The following RNF125 variants were observed in gnomAD, a reference collection of about 807,000 sequenced individuals.
RNF125 encodes the protein ring finger protein 125, also known as E3 ubiquitin-protein ligase RNF125.
Under a neutral mutation model 26.0 loss-of-function variants are expected in RNF125, and 21 were observed. That is an observed-to-expected ratio of 0.81 (90% CI 0.57 to 1.16). RNF125 has a LOEUF of 1.16. RNF125 is among the 50% of genes most tolerant of loss of function. RNF125 has a pLI of 0.00. For missense variants in RNF125, 270 were observed against 299.4 expected, an observed-to-expected ratio of 0.90 and a Z score of 0.72; for synonymous variants, 95 against 109.2, an observed-to-expected ratio of 0.87 and a Z score of 0.81.
rs140057532 is a variant in RNF125 at position 32,057,996 on chromosome 18, G to A, written c.505-7906G>A. ...TAAAGCGCTAAAGTGGCCAGGCACC[G>A]TGGCTTATGCCAGTAGTCCCAGCAT... On this transcript the variant is annotated intron_variant, in intron 4 of 5. Coordinates refer to ENST00000217740, the MANE Select transcript of RNF125 (RefSeq NM_017831.4). 9.2e-5 allele frequency among the ~76,000 whole-genome samples: 14 copies of A among 152,132 alleles called. No individual in the cohort carries two copies. In the East Asian group the frequency reaches 1.9e-3, roughly 21 times the overall value.
At chr18:32,043,966 A>G (rs2039243708) in intron 3 of RNF125, among the ~76,000 whole-genome samples, 1 of 151,868 alleles carries the variant, frequency 6.6e-6, no homozygotes, top group Admixed American at 6.6e-5. Flanking sequence ...AACTTAAGGC[A>G]GTGTTGTCCA....
intron 5 of RNF125, among the ~76,000 whole-genome samples, 180 bp from the exon 6 acceptor site, chr18:32,068,118 G>A (rs756722490): frequency 1.1e-4 from 16 of 152,180 alleles, no homozygotes; most frequent in Non-Finnish European, 2.2e-4. Flanking sequence ...ACAAAGTGAA[G>A]TAGAAAATTC....
chr18:32,073,400 G>T (rs143035876), downstream of RNF125, among the ~76,000 whole-genome samples: 32 of 152,312 alleles, frequency 2.1e-4, no homozygotes, highest in African/African-American at 7.5e-4. Context: ...GGGCTTGGGT[G>T]TGCTAGTGGC....
intron 4 of RNF125, among the ~76,000 whole-genome samples, chr18:32,054,541 C>A (rs2039361808): frequency 1.3e-5 from 2 of 152,142 alleles, no homozygotes; most frequent in Admixed American, 1.3e-4. Flanking sequence ...GAGAACTCCT[C>A]TGGGGAGAAA....
rs529992794 is a variant in RNF125 at position 32,042,089 on chromosome 18, C to A, written c.319-90C>A. 1.0e-5 allele frequency: 9 copies of A among 863,846 alleles called. No individual in the cohort carries two copies. The Admixed American group carries it at 1.2e-4, about 12-fold the overall frequency. The allele number at this position is 863,846 out of a possible 1,614,324, so 53.5% of individuals were successfully genotyped here. A position where few individuals can be genotyped will look rare whatever the true frequency, so the allele number is the denominator to read the frequency against. The stretch of plus-strand genomic sequence containing the variant: ...TTAGTCAGTTGATCCCACAGTATGA[C>A]CTTACTTGAAAGTTAAAAGGCTGGA... On this transcript the variant is annotated intron_variant, in intron 2 of 5. Transcript: ENST00000217740.
At chr18:32,039,851 C>T (rs1394448571) in intron 2 of RNF125, among the ~76,000 whole-genome samples, 1 of 145,152 alleles carries the variant, frequency 6.9e-6, no homozygotes, top group African/African-American at 2.6e-5. Context: ...ATGATCTTGG[C>T]TCACTGTAAC....
At chr18:32,030,046 T>C (rs1056631730) in intron 1 of RNF125, among the ~76,000 whole-genome samples, 5 of 152,176 alleles carry the variant, frequency 3.3e-5, no homozygotes, top group Non-Finnish European at 7.3e-5. Flanking sequence ...TTATTTTTTA[T>C]TATTTAATTT....
chr18:32,078,998 A>G, the RNF125 span, among the ~76,000 whole-genome samples: 1 of 152,168 alleles, frequency 6.6e-6, no homozygotes, highest in African/African-American at 2.4e-5. Context: ...ATCTATTGCT[A>G]CAGTTATCAC....
the RNF125 span, among the ~76,000 whole-genome samples, chr18:32,088,175 T>G: frequency 6.6e-6 from 1 of 152,224 alleles, no homozygotes; most frequent in Non-Finnish European, 1.5e-5. Flanking sequence ...CAGGACAGAC[T>G]ACTCACCAGT....
intron 4 of RNF125, among the ~76,000 whole-genome samples, chr18:32,050,804 T>A (rs1276878744): frequency 6.6e-6 from 1 of 150,748 alleles, no homozygotes; most frequent in East Asian, 1.9e-4. Context: ...TATTTTATTC[T>A]GTAAAGGGAA....
At chr18:32,043,801 A>C (rs1395019495) in intron 3 of RNF125, among the ~76,000 whole-genome samples, 2 of 152,178 alleles carry the variant, frequency 1.3e-5, no homozygotes, top group Non-Finnish European at 2.9e-5. Context: ...ATTTATGATA[A>C]AAATCTTTGC....
chr18:32,086,355 G>GTT, the RNF125 span, among the ~76,000 whole-genome samples: 283 of 133,678 alleles, frequency 2.1e-3, 1 homozygote, highest in South Asian at 5.6e-3. Flanking sequence ...AGATATTTGT[G>GTT]TTTTTTTTTT....
chr18:32,043,292 C>G (rs2039238157), intron 3 of RNF125, among the ~76,000 whole-genome samples: 1 of 152,200 alleles, frequency 6.6e-6, no homozygotes, highest in Non-Finnish European at 1.5e-5. Flanking sequence ...TGATGGCTTT[C>G]CAGCCATTAA....
At chr18:32,083,073 TATTA>T in the RNF125 span, among the ~76,000 whole-genome samples, 1 of 152,218 alleles carries the variant, frequency 6.6e-6, no homozygotes, top group Non-Finnish European at 1.5e-5. Flanking sequence ...TGCTTTACTT[TATTA>T]ATTCTGTCCA....
At chr18:32,039,671 G>C (rs2039196422) in intron 2 of RNF125, among the ~76,000 whole-genome samples, 1 of 151,704 alleles carries the variant, frequency 6.6e-6, no homozygotes, top group Admixed American at 6.6e-5. Context: ...CTTGGTGTCT[G>C]TCAGAAACAA....
downstream of RNF125, among the ~76,000 whole-genome samples, chr18:32,077,334 ATTTTTTT>A (rs552701343): frequency 0.022 from 2,373 of 107,878 alleles, 76 homozygotes; most frequent in African/African-American, 0.079. Flanking sequence ...CCCTCTCCCC[ATTTTTTT>A]TTTTTTTTTT....
At chr18:32,033,935 C>A (rs2039125492) in intron 1 of RNF125, among the ~76,000 whole-genome samples, 1 of 148,532 alleles carries the variant, frequency 6.7e-6, no homozygotes, top group South Asian at 2.1e-4. Flanking sequence ...CAGAAAACAA[C>A]AATGAAGTGT....
intron 1 of RNF125, among the ~76,000 whole-genome samples, chr18:32,024,993 G>A (rs1181919843): frequency 6.6e-6 from 1 of 152,086 alleles, no homozygotes; most frequent in Non-Finnish European, 1.5e-5. Context: ...GAACCTAGGA[G>A]GCAGAGGTTG....
chr18:32,068,235 C>T, intron 5 of RNF125, 63 bp from the exon 6 acceptor site: 1 of 892,148 alleles, frequency 1.1e-6, no homozygotes, highest in South Asian at 1.4e-5. Flanking sequence ...CATTGACCCT[C>T]ATCCTCTAGT....
Sources: allele counts gnomAD v4.1 joint callset (sites outside exome capture counted in the v4.1 genomes callset), GRCh38; gene constraint gnomAD v4.1.1; transcripts MANE v1.5; gene names NCBI Gene and HGNC (gene_info 2026-07-23, HGNC 2026-07-21).